Variants in SPCS2 observed in about 807,000 individuals in gnomAD.
The protein encoded by SPCS2 is signal peptidase complex subunit 2.
In SPCS2, 3 loss-of-function variants were observed where a neutral mutation model predicts 22.3. The ratio of observed to expected loss-of-function variants is 0.13; its 90% CI spans 0.06 to 0.35. The LOEUF (loss-of-function observed/expected upper bound fraction) is 0.35, where lower values mean the gene tolerates loss of function less well. Ranked by LOEUF, SPCS2 falls within the 10% of genes least tolerant of loss-of-function variation. SPCS2 has a pLI of 1.00. For missense variants in SPCS2, 169 were observed against 280.9 expected (o/e 0.60, Z 2.85); for synonymous variants, 67 against 97.2 (o/e 0.69, Z 1.83).
At chr11:74,949,577 C>T (rs956271991) in intron 1 of SPCS2, 178 bp downstream of exon 1, 2 of 677,146 alleles carry the variant, frequency 3.0e-6, no homozygotes, top group African/African-American at 1.8e-5. Flanking sequence ...ACACTTCAAA[C>T]CTGGACCCGG....
chr11:74,964,727 T>A (rs2140217906), intron 1 of SPCS2, among the ~76,000 whole-genome samples: 1 of 152,338 alleles, frequency 6.6e-6, no homozygotes, highest in Admixed American at 6.5e-5. Flanking sequence ...TGGGGTTGTT[T>A]TTATATTCTC....
At chr11:74,957,296 T>G (rs552483781) in intron 1 of SPCS2, among the ~76,000 whole-genome samples, 21 of 152,340 alleles carry the variant, frequency 1.4e-4, no homozygotes, top group African/African-American at 5.1e-4. Context: ...GCTTGGCAGT[T>G]TCCTTAAAAA....
chr11:74,951,534 G>A (rs1280702912), intron 1 of SPCS2, among the ~76,000 whole-genome samples: 1 of 152,060 alleles, frequency 6.6e-6, no homozygotes, highest in African/African-American at 2.4e-5. Context: ...GCCTCGGCCG[G>A]GCGCAGTGGC....
At chr11:74,954,683 A>G (rs560654527) in intron 1 of SPCS2, among the ~76,000 whole-genome samples, 46 of 152,266 alleles carry the variant, frequency 3.0e-4, no homozygotes, top group Middle Eastern at 3.4e-3. Context: ...TACTGTTGCA[A>G]ACTGATCTTT....
chr11:74,978,383 T>G lies in SPCS2; in HGVS notation c.*1340T>G, dbSNP rs1054896015. 2 of 152,254 alleles carry G rather than the reference T, an allele frequency of 1.3e-5. No individual in the cohort carries two copies. The highest frequency in any genetic ancestry group is 4.8e-5 in the African/African-American group (2 of 41,466). 9.4% of individuals were successfully genotyped at this position (152,254 alleles called of 1,614,324 possible). On this transcript the variant is annotated 3_prime_UTR_variant, in exon 5 of 5. Coordinates refer to ENST00000263672, the MANE Select transcript of SPCS2 (RefSeq NM_014752.3). ...AGTTAAAGCCTTGGATTCTGTACTC[T>G]TCATTCCTGTAAACCTTGGGTAAGT...
At chr11:74,961,335 G>C (rs746737171) in intron 1 of SPCS2, among the ~76,000 whole-genome samples, 3 of 152,076 alleles carry the variant, frequency 2.0e-5, no homozygotes. Flanking sequence ...AAACTAATAA[G>C]GCTTTAGAGA....
In SPCS2 at chr11:74,949,415, T is replaced by C; in HGVS notation, c.114+16T>C. 3 of 1,547,774 alleles carry C rather than the reference T, an allele frequency of 1.9e-6. No homozygotes were observed. The highest frequency in any genetic ancestry group is 2.6e-6 in the Non-Finnish European group (3 of 1,143,720). On this transcript the variant is annotated intron_variant, in intron 1 of 4. Transcript: ENST00000263672. ...GTTGGATAAGGTGAGGAGCCGGTTC[T>C]TGGGAACAGTTGAATCCTGGGGAGG... is the stretch of plus-strand genomic sequence containing the variant.
Position 74,977,020 on chromosome 11 carries a change from G to C in SPCS2, c.658G>C (p.Ala220Pro). Residue 220 changes from alanine to proline, a missense_variant, in exon 5 of 5, where the codon GCC becomes CCC. By Grantham distance (27) the Ala-to-Pro change is conservative (BLOSUM62 -1). Transcript: ENST00000263672. The stretch of plus-strand genomic sequence containing the variant: ...AATATCCAGGCTCCATGACAGTCTT[G>C]CCATAGAAAGAAAAATAAAGTAGCC... Reference protein sequence around the residue: ...PEISRLHDSLAIERKIK With the variant: ...PEISRLHDSLPIERKIK 1 of 1,513,140 alleles carries C rather than the reference G, an allele frequency of 6.6e-7. No individual in the cohort carries two copies. The highest frequency in any genetic ancestry group is 8.9e-7 in the Non-Finnish European group (1 of 1,125,298). The allele number at this position is 1,513,140 out of a possible 1,614,324, so 93.7% of individuals were successfully genotyped here. A position where few individuals can be genotyped will look rare whatever the true frequency, so the allele number is the denominator to read the frequency against.
intron 3 of SPCS2, 26 bp from the exon 4 acceptor site, chr11:74,969,539 T>C: frequency 6.2e-7 from 1 of 1,607,096 alleles, no homozygotes; most frequent in Non-Finnish European, 8.5e-7. Flanking sequence ...TATGTTTGGG[T>C]ATTTTCCCCT....
chr11:74,955,349 G>A (rs2140214180), intron 1 of SPCS2, among the ~76,000 whole-genome samples: 1 of 152,262 alleles, frequency 6.6e-6, no homozygotes, highest in East Asian at 1.9e-4. Flanking sequence ...ATGGATAAAT[G>A]CAATGTGATA....
chr11:74,966,897 G>A (rs1241508913), intron 3 of SPCS2, among the ~76,000 whole-genome samples: 2 of 151,994 alleles, frequency 1.3e-5, no homozygotes, highest in Non-Finnish European at 1.5e-5. Flanking sequence ...TGAGTAGACG[G>A]GCACATGCCA....
At chr11:74,957,081 CAAG>C (rs1398609367) in intron 1 of SPCS2, among the ~76,000 whole-genome samples, 1 of 152,046 alleles carries the variant, frequency 6.6e-6, no homozygotes, top group African/African-American at 2.4e-5. Flanking sequence ...ATCTTCCATA[CAAG>C]AAGAAGCTCT....
intron 1 of SPCS2, among the ~76,000 whole-genome samples, chr11:74,955,432 G>GA (rs1948472308): frequency 6.6e-6 from 1 of 152,152 alleles, no homozygotes; most frequent in African/African-American, 2.4e-5. Flanking sequence ...GATGAATCCT[G>GA]AAAATGCGCT....
At chr11:74,959,846 T>C (rs147060416) in intron 1 of SPCS2, among the ~76,000 whole-genome samples, 101 of 152,330 alleles carry the variant, frequency 6.6e-4, no homozygotes, top group African/African-American at 2.3e-3. Context: ...CTGAGTTGTG[T>C]TTAATATCCT....
chr11:74,965,943 A>G lies in SPCS2; in HGVS notation c.359+20A>G. On this transcript the variant is annotated intron_variant, in intron 3 of 4. Coordinates refer to ENST00000263672, the MANE Select transcript of SPCS2 (RefSeq NM_014752.3). The stretch of plus-strand genomic sequence containing the variant: ...CATATCATATCCTTTATTTATGCTC[A>G]GGTTGTTTTCTAGTGACTATTTTTT... 6.3e-7 allele frequency: 1 copy of G among 1,582,088 alleles called. No individual in the cohort carries two copies. Among genetic ancestry groups the G allele is most frequent in the Admixed American group, 1.9e-5 (1 of 52,412 alleles).
Position 74,977,249 on chromosome 11 carries a change from C to G in SPCS2, c.*206C>G, listed in dbSNP as rs1441485890. 1.0e-5 allele frequency: 4 copies of G among 393,346 alleles called. No homozygotes were observed. The highest frequency in any genetic ancestry group is 1.4e-3 in the Middle Eastern group (2 of 1,472). 24.4% of individuals were successfully genotyped at this position (393,346 alleles called of 1,614,324 possible). On this transcript the variant is annotated 3_prime_UTR_variant, in exon 5 of 5. Transcript: ENST00000263672. ...TAGCTCTGATGTCTAGCTGTAGTCT[C>G]CTTGATCTGCTGATTGCATTATTTT...
At chr11:74,970,876 C>G (rs903374825) in intron 4 of SPCS2, among the ~76,000 whole-genome samples, 2 of 152,196 alleles carry the variant, frequency 1.3e-5, no homozygotes, top group Non-Finnish European at 2.9e-5. Context: ...ACCTACCATA[C>G]ATACAGTTCA....
In SPCS2 at chr11:74,949,285, G is replaced by T. The variant is rs1452233436; in HGVS notation, c.-1G>T. On this transcript the variant is annotated 5_prime_UTR_variant, in exon 1 of 5. Transcript: ENST00000263672. ...GGGAGGGAGACGCAGAGGCGGACAA[G>T]ATGGCGGCGGCAGCTGTACAGGGCG... is the stretch of plus-strand genomic sequence containing the variant. 2.0e-6 allele frequency: 3 copies of T among 1,537,912 alleles called. No homozygotes were observed.
intron 4 of SPCS2, among the ~76,000 whole-genome samples, chr11:74,976,589 C>T (rs1009114196): frequency 7.9e-5 from 12 of 152,114 alleles, no homozygotes; most frequent in South Asian, 2.1e-4. Flanking sequence ...AGATGGTCCA[C>T]GTGGTTTAAA....
Sources: gnomAD v4.1 joint callset for allele counts (sites outside exome capture counted in the v4.1 genomes callset) on GRCh38, gnomAD v4.1.1 for gene constraint, MANE v1.5 for transcripts, NCBI Gene and HGNC (gene_info 2026-07-23, HGNC 2026-07-21) for gene names.